The following UQCRC2 variants were observed in gnomAD, a reference collection of about 807,000 sequenced individuals.
UQCRC2 encodes ubiquinol-cytochrome c reductase core protein 2.
In UQCRC2, 49 loss-of-function variants were observed where a neutral mutation model predicts 55.6. That is an observed-to-expected ratio of 0.88 (90% CI 0.70 to 1.12). UQCRC2 has a LOEUF of 1.12. UQCRC2 is among the 50% of genes most tolerant of loss of function. The pLI, the probability that UQCRC2 is intolerant of heterozygous loss-of-function variation, is 0.00. For missense variants in UQCRC2, 506 were observed against 547.8 expected (o/e 0.92, Z 0.76); for synonymous variants, 193 against 192.0 (o/e 1.01, Z -0.04).
At chr16:21,978,581 C>T (rs142680058) in intron 12 of UQCRC2, among the ~76,000 whole-genome samples, 220 of 152,308 alleles carry the variant, frequency 1.4e-3, no homozygotes, top group African/African-American at 5.0e-3. Flanking sequence ...GGAGTTGCTT[C>T]ACTAATCAAA....
intron 9 of UQCRC2, 140 bp from the exon 10 acceptor site, chr16:21,971,782 TG>T: frequency 7.4e-7 from 1 of 1,344,476 alleles, no homozygotes; most frequent in Non-Finnish European, 1.0e-6. Flanking sequence ...TGTGTGTGTT[TG>T]GGGACAGGAT....
chr16:21,968,594 A>AAT, intron 7 of UQCRC2, 34 bp from the exon 8 acceptor site: 1 of 1,560,800 alleles, frequency 6.4e-7, no homozygotes. Context: ...TATTTATGCT[A>AAT]ATATAACCTA....
chr16:21,956,577 C>A (rs1898090519), intron 1 of UQCRC2, among the ~76,000 whole-genome samples: 1 of 152,048 alleles, frequency 6.6e-6, no homozygotes, highest in Admixed American at 6.6e-5. Context: ...TGATCTGACA[C>A]TTTTTCAAAA....
intron 8 of UQCRC2, among the ~76,000 whole-genome samples, chr16:21,971,266 T>C (rs942522266): frequency 2.0e-5 from 3 of 152,178 alleles, no homozygotes; most frequent in Non-Finnish European, 4.4e-5. Flanking sequence ...AATGATACCA[T>C]TTTAGAAATA....
At position 21,957,561 on chromosome 16, in the gene UQCRC2, A is replaced by G; in HGVS notation, c.262A>G (p.Ser88Gly). Residue 88 changes from serine (S) to glycine (G), a missense_variant, in exon 3 of 14, where the codon AGT (serine) becomes GGT (glycine). Ser to Gly is a moderately conservative substitution (Grantham distance 56). Transcript: ENST00000268379. ...CACCCATTTGCTGCGTCTTACATCC[A>G]GTCTGGTGAGTATCTTCACTTCCTC... Reference protein sequence around the residue: ...GTTHLLRLTSSLTTKGASSFK... With the variant: ...GTTHLLRLTSGLTTKGASSFK... 6.2e-7 allele frequency: 1 copy of G among 1,614,044 alleles called. No homozygotes were observed. Among genetic ancestry groups the G allele is most frequent in the Admixed American group, 1.7e-5 (1 of 59,998 alleles).
chr16:21,982,215 C>T (rs1000220662), intron 13 of UQCRC2, among the ~76,000 whole-genome samples: 1 of 152,078 alleles, frequency 6.6e-6, no homozygotes, highest in East Asian at 1.9e-4. Flanking sequence ...ACTGCTTCCA[C>T]CACCACCTCT....
chr16:21,980,467 T>C lies in UQCRC2; in HGVS notation c.1125-80T>C, dbSNP rs888555763. The C allele has an allele frequency of 6.0e-6, 9 of 1,494,774 alleles. No individual in the cohort carries two copies. The Admixed American group carries it at 1.2e-4, about 20-fold the overall frequency. The allele number at this position is 1,494,774 out of a possible 1,614,324, so 92.6% of individuals were successfully genotyped here. Reference sequence around the variant, plus strand: ...TATCCATTAAATAAAGCTTTGATGTTCACAGCCCCCCGCCACCACTCAGAA... The same window carrying C: ...TATCCATTAAATAAAGCTTTGATGTCCACAGCCCCCCGCCACCACTCAGAA... On this transcript the variant is annotated intron_variant, in intron 12 of 13. Coordinates refer to ENST00000268379, the MANE Select transcript of UQCRC2 (RefSeq NM_003366.4).
intron 4 of UQCRC2, among the ~76,000 whole-genome samples, chr16:21,959,075 C>CT (rs1424297733): frequency 6.6e-6 from 1 of 152,182 alleles, no homozygotes; most frequent in Non-Finnish European, 1.5e-5. Context: ...GGTGGAGGGT[C>CT]TTGCCTCCAC....
chr16:21,966,725 T>A (rs1017760498), intron 7 of UQCRC2, among the ~76,000 whole-genome samples: 4 of 152,226 alleles, frequency 2.6e-5, no homozygotes, highest in African/African-American at 9.7e-5. Context: ...AAGACTGGAC[T>A]CTAATGAGTT....
chr16:21,960,972 A>G (rs1204545811), intron 4 of UQCRC2, among the ~76,000 whole-genome samples: 1 of 152,092 alleles, frequency 6.6e-6, no homozygotes, highest in Non-Finnish European at 1.5e-5. Context: ...CTAGGACTAT[A>G]GGCACATGAC....
At position 21,970,112 on chromosome 16, in the gene UQCRC2, C is replaced by T. The variant is rs374078444; in HGVS notation, c.671-1413C>T. 1.1e-4 allele frequency among the ~76,000 whole-genome samples: 16 copies of T among 152,230 alleles called. 1 individual carries two copies. In the East Asian group the frequency reaches 2.5e-3, roughly 24 times the overall value. ...CTTTTCTTACTTAGCATAATGTTTT[C>T]AAGGTCCGTCCATATTGTAGCATGT... is the stretch of plus-strand genomic sequence containing the variant. On this transcript the variant is annotated intron_variant, in intron 8 of 13. Coordinates refer to ENST00000268379, the MANE Select transcript of UQCRC2 (RefSeq NM_003366.4).
intron 1 of UQCRC2, among the ~76,000 whole-genome samples, chr16:21,956,306 G>A (rs1008385914): frequency 5.1e-4 from 77 of 152,164 alleles, no homozygotes; most frequent in African/African-American, 1.8e-3. Context: ...CACTTTGTGA[G>A]GCCGAGGCGG....
chr16:21,968,474 C>G (rs1898380489), intron 7 of UQCRC2, 154 bp from the exon 8 acceptor site: 1 of 506,420 alleles, frequency 2.0e-6, no homozygotes, highest in Non-Finnish European at 3.3e-6. Context: ...AATAAAATCC[C>G]AGGGTAATTC....
chr16:21,970,560 CT>C (rs1302674760), intron 8 of UQCRC2, among the ~76,000 whole-genome samples: 1 of 151,990 alleles, frequency 6.6e-6, no homozygotes, highest in African/African-American at 2.4e-5. Flanking sequence ...TTTTCATGTG[CT>C]TTTTGTCCAT....
chr16:21,967,900 A>G (rs1361460437), intron 7 of UQCRC2, among the ~76,000 whole-genome samples: 1 of 152,202 alleles, frequency 6.6e-6, no homozygotes, highest in Non-Finnish European at 1.5e-5. Context: ...TTATATAAAC[A>G]CAAAAGAAAC....
chr16:21,975,295 G>A (rs558962422), intron 11 of UQCRC2, among the ~76,000 whole-genome samples: 16 of 152,276 alleles, frequency 1.1e-4, no homozygotes, highest in African/African-American at 3.4e-4. Context: ...ACAAGTCAAG[G>A]AACTAGAGAT....
rs1898230961 is a variant in UQCRC2, at chr16:21,962,630, C to G, written c.389+114C>G. The G allele has an allele frequency of 1.9e-6, 3 of 1,588,568 alleles. No individual in the cohort carries two copies. The Admixed American group carries it at 5.1e-5, about 27-fold the overall frequency. The stretch of plus-strand genomic sequence containing the variant: ...CTGACTTCCATTTTGGATTATTGTT[C>G]ATAAACTGCTCAAAAACACTGCTTA... On this transcript the variant is annotated intron_variant, in intron 5 of 13. Coordinates refer to ENST00000268379, the MANE Select transcript of UQCRC2 (RefSeq NM_003366.4).
Position 21,953,399 on chromosome 16 carries a change from C to G in UQCRC2, c.-25C>G. On this transcript the variant is annotated 5_prime_UTR_variant, in exon 1 of 14. Coordinates refer to ENST00000268379, the MANE Select transcript of UQCRC2 (RefSeq NM_003366.4). ...TTGCTTTCCTTTAATCCGGCAGTGA[C>G]CGTGTGTCAGAACAATCTTGAATCA... The G allele has an allele frequency of 6.2e-7, 1 of 1,612,230 alleles. No homozygotes were observed.
At chr16:21,969,889 GA>G (rs1273583667) in intron 8 of UQCRC2, among the ~76,000 whole-genome samples, 1 of 150,394 alleles carries the variant, frequency 6.6e-6, no homozygotes, top group Non-Finnish European at 1.5e-5. Context: ...TTTTTTTAAA[GA>G]GATGGAGGTC....
Sources: gnomAD v4.1 joint callset for allele counts (sites outside exome capture counted in the v4.1 genomes callset) on GRCh38, gnomAD v4.1.1 for gene constraint, MANE v1.5 for transcripts, NCBI Gene and HGNC (gene_info 2026-07-23, HGNC 2026-07-21) for gene names.